The following ADARB2 variants were observed in gnomAD, a reference collection of about 807,000 sequenced individuals.
The protein encoded by ADARB2 is inactive double-stranded RNA-specific editase B2.
A neutral mutation model predicts 62.2 loss-of-function variants in ADARB2; 25 were observed. The observed-to-expected ratio is 0.40, with a 90% CI of 0.29 to 0.56. The LOEUF is 0.56. Among genes scored for constraint, ADARB2 ranks in the 20% least tolerant of loss-of-function variants. ADARB2 has a pLI of 0.43. For synonymous variants in ADARB2, 572 were observed against 500.8 expected (o/e 1.14, Z -1.90); for missense variants, 1,071 against 1,077.4 (o/e 0.99, Z 0.08).
intron 1 of ADARB2, among the ~76,000 whole-genome samples, chr10:1,691,401 CA>C (rs1834670700): frequency 6.6e-6 from 1 of 152,104 alleles, no homozygotes; most frequent in Admixed American, 6.5e-5. Context: ...AAAATGAATA[CA>C]ATGGTTTTTT....
chr10:1,284,849 G>A (rs1378557831), intron 3 of ADARB2, among the ~76,000 whole-genome samples: 1 of 152,154 alleles, frequency 6.6e-6, no homozygotes, highest in Non-Finnish European at 1.5e-5. Flanking sequence ...GTCCTTGAGT[G>A]GGAGAGGAAG....
chr10:1,649,271 G>A (rs1834081993), intron 1 of ADARB2, among the ~76,000 whole-genome samples: 1 of 152,190 alleles, frequency 6.6e-6, no homozygotes, highest in African/African-American at 2.4e-5. Flanking sequence ...TACTTGGTTT[G>A]AAATCGTATC....
intron 1 of ADARB2, among the ~76,000 whole-genome samples, chr10:1,726,215 T>C (rs1013459436): frequency 4.6e-5 from 7 of 152,214 alleles, no homozygotes; most frequent in Non-Finnish European, 1.0e-4. Context: ...GTGTAGCCTC[T>C]ACATATGTCT....
At chr10:1,489,281 C>T (rs1032697435) in intron 1 of ADARB2, among the ~76,000 whole-genome samples, 19 of 149,066 alleles carry the variant, frequency 1.3e-4, no homozygotes, top group African/African-American at 4.6e-4. Context: ...CCGGATGCAC[C>T]TGACCTTCCC....
chr10:1,556,848 A>G (rs747748409), intron 1 of ADARB2: 1 of 533,736 alleles, frequency 1.9e-6, no homozygotes, highest in Admixed American at 1.9e-5. Flanking sequence ...GATTTTCTGC[A>G]CAACCCCTCC....
chr10:1,462,173 C>T (rs541942585), intron 1 of ADARB2, among the ~76,000 whole-genome samples: 1 of 152,242 alleles, frequency 6.6e-6, no homozygotes, highest in Non-Finnish European at 1.5e-5. Context: ...ACCCCCAGGC[C>T]CCCTGAGCAC....
chr10:1,273,991 C>T (rs955488598), intron 3 of ADARB2, among the ~76,000 whole-genome samples: 6 of 152,336 alleles, frequency 3.9e-5, no homozygotes, highest in African/African-American at 1.4e-4. Flanking sequence ...TGCTCATCCT[C>T]ACCGGCCCTG....
chr10:1,576,023 GCCC>G (rs1833010082), intron 1 of ADARB2, among the ~76,000 whole-genome samples: 1 of 94,010 alleles, frequency 1.1e-5, no homozygotes, highest in African/African-American at 4.3e-5. Context: ...ATGGGAGGGG[GCCC>G]AGGGCCACTC....
intron 1 of ADARB2, among the ~76,000 whole-genome samples, chr10:1,388,365 C>A (rs1249634210): frequency 6.6e-6 from 1 of 152,012 alleles, no homozygotes; most frequent in East Asian, 1.9e-4. Context: ...CAACATTGGA[C>A]AGAGGTCTTA....
intron 1 of ADARB2, among the ~76,000 whole-genome samples, chr10:1,425,929 G>GACCC (rs1377278417): frequency 3.3e-5 from 5 of 152,136 alleles, no homozygotes; most frequent in South Asian, 4.1e-4. Flanking sequence ...CAAAAGTGGA[G>GACCC]GACAGAGAAT....
intron 1 of ADARB2, among the ~76,000 whole-genome samples, chr10:1,439,250 T>A: frequency 8.9e-6 from 1 of 112,422 alleles, no homozygotes; most frequent in African/African-American, 4.1e-5. Flanking sequence ...AGACTCTTCA[T>A]GATGGGGCTC....
chr10:1,651,338 GGT>G (rs1834106626), intron 1 of ADARB2, among the ~76,000 whole-genome samples: 2 of 152,252 alleles, frequency 1.3e-5, no homozygotes. Context: ...AGGTCTCCAA[GGT>G]TGGCCCTGGC....
rs181902398 is a variant in ADARB2 at position 1,185,612 on chromosome 10, C to T, written c.1865-573G>A. On this transcript the variant is annotated intron_variant, in intron 8 of 9. Transcript: ENST00000381312. Reference sequence around the variant, plus strand: ...AGAGTGTTTGAGACTCAGTGCACAGCGGAAATATGGGGCCTTTTGTTCGAA... The same window carrying T: ...AGAGTGTTTGAGACTCAGTGCACAGTGGAAATATGGGGCCTTTTGTTCGAA... Among the ~76,000 whole-genome samples the T allele has an allele frequency of 1.8e-3, 277 of 152,320 alleles. 1 individual carries two copies. Among genetic ancestry groups the T allele is most frequent in the African/African-American group, 5.5e-3 (228 of 41,562 alleles).
chr10:1,557,241 C>T (rs370575987), intron 1 of ADARB2, among the ~76,000 whole-genome samples: 1 of 151,700 alleles, frequency 6.6e-6, no homozygotes, highest in African/African-American at 2.4e-5. Flanking sequence ...GCCACCACCT[C>T]GTCTGACTCC....
At chr10:1,549,463 G>A (rs1832581112) in intron 1 of ADARB2, among the ~76,000 whole-genome samples, 1 of 152,144 alleles carries the variant, frequency 6.6e-6, no homozygotes, top group South Asian at 2.1e-4. Context: ...GGAGACGGGA[G>A]GAGGGTGCAG....
chr10:1,315,778 A>AT (rs1004846087), intron 3 of ADARB2, among the ~76,000 whole-genome samples: 3 of 152,322 alleles, frequency 2.0e-5, no homozygotes, highest in South Asian at 2.1e-4. Context: ...CGTTCCAATG[A>AT]TTTTTTATTA....
intron 1 of ADARB2, among the ~76,000 whole-genome samples, chr10:1,600,499 TA>T (rs1170376732): frequency 2.0e-5 from 3 of 151,812 alleles, no homozygotes; most frequent in Non-Finnish European, 4.4e-5. Flanking sequence ...CCGTCTCTAC[TA>T]AAAATACAAA....
intron 4 of ADARB2, among the ~76,000 whole-genome samples, chr10:1,263,110 A>G (rs941940311): frequency 4.8e-5 from 6 of 125,780 alleles, no homozygotes; most frequent in Non-Finnish European, 7.9e-5. Context: ...GAAGGGGAAC[A>G]TCACACACCG....
At chr10:1,676,861 A>T (rs1834472539) in intron 1 of ADARB2, among the ~76,000 whole-genome samples, 1 of 151,000 alleles carries the variant, frequency 6.6e-6, no homozygotes, top group Non-Finnish European at 1.5e-5. Flanking sequence ...GGATGGAGAG[A>T]AGGTGGGTGA....
Sources: gnomAD v4.1 joint callset for allele counts (sites outside exome capture counted in the v4.1 genomes callset) on GRCh38, gnomAD v4.1.1 for gene constraint, MANE v1.5 for transcripts, NCBI Gene and HGNC (gene_info 2026-07-23, HGNC 2026-07-21) for gene names.